DPYD: variants seen among roughly 807,000 people sequenced by gnomAD.
DPYD encodes dihydropyrimidine dehydrogenase [NADP(+)].
DPYD carries 109 observed loss-of-function variants against 116.2 expected under a neutral mutation model. The observed-to-expected ratio is 0.94, with a 90% confidence interval of 0.80 to 1.10. The LOEUF (loss-of-function observed/expected upper bound fraction) is 1.10. Ranked by LOEUF, DPYD falls within the 50% of genes least tolerant of loss-of-function variation. The pLI, the probability that DPYD is intolerant of heterozygous loss-of-function variation, is 0.00. For missense variants in DPYD, 1,302 were observed against 1,254.5 expected (o/e 1.04, Z -0.57); for synonymous variants, 440 against 432.0 (o/e 1.02, Z -0.23).
intron 5 of DPYD, chr1:97,720,322 G>A: frequency 1.0e-6 from 1 of 985,400 alleles, no homozygotes; most frequent in African/African-American, 1.7e-5. Context: ...GCTTGCCCTG[G>A]TTTAATGAAG....
At chr1:97,736,917 C>T (rs903440243) in intron 4 of DPYD, among the ~76,000 whole-genome samples, 1 of 148,330 alleles carries the variant, frequency 6.7e-6, no homozygotes, top group African/African-American at 2.5e-5. Flanking sequence ...ATCTACATAG[C>T]ATATGTACAC....
chr1:97,183,164 G>A (rs1475891339), intron 20 of DPYD, among the ~76,000 whole-genome samples: 1 of 151,980 alleles, frequency 6.6e-6, no homozygotes, highest in Non-Finnish European at 1.5e-5. Flanking sequence ...ACAGTTTGAA[G>A]GCAAGGAGTA....
intron 14 of DPYD, among the ~76,000 whole-genome samples, chr1:97,419,621 C>T (rs998074297): frequency 6.6e-6 from 1 of 152,102 alleles, no homozygotes; most frequent in African/African-American, 2.4e-5. Context: ...AGGCCTTTTC[C>T]ACATATGTGA....
chr1:97,613,535 A>AG (rs1249832363), intron 8 of DPYD, among the ~76,000 whole-genome samples: 2 of 152,002 alleles, frequency 1.3e-5, no homozygotes. Flanking sequence ...GGGCATACTG[A>AG]GTGTGCTGGT....
intron 18 of DPYD, among the ~76,000 whole-genome samples, chr1:97,237,979 T>C (rs1251270111): frequency 2.0e-5 from 3 of 152,154 alleles, no homozygotes; most frequent in Non-Finnish European, 4.4e-5. Context: ...TTTGGCCACA[T>C]ATTCTATTGA....
intron 8 of DPYD, among the ~76,000 whole-genome samples, chr1:97,619,356 T>C (rs1656494984): frequency 6.6e-6 from 1 of 152,214 alleles, no homozygotes; most frequent in Non-Finnish European, 1.5e-5. Flanking sequence ...GGAATGCTGG[T>C]TGACAGGACA....
intron 20 of DPYD, among the ~76,000 whole-genome samples, chr1:97,106,428 C>T (rs940799798): frequency 2.0e-5 from 3 of 152,040 alleles, no homozygotes; most frequent in African/African-American, 7.2e-5. Flanking sequence ...AGAATGTGGG[C>T]GGGCATCCCC....
At chr1:97,267,839 T>C (rs1664333145) in intron 18 of DPYD, among the ~76,000 whole-genome samples, 1 of 152,120 alleles carries the variant, frequency 6.6e-6, no homozygotes, top group Admixed American at 6.5e-5. Context: ...ATACAAAATA[T>C]GTTCATTCCA....
intron 8 of DPYD, among the ~76,000 whole-genome samples, chr1:97,658,212 C>T (rs966451538): frequency 6.6e-6 from 1 of 152,098 alleles, no homozygotes; most frequent in Non-Finnish European, 1.5e-5. Flanking sequence ...GTCTTCTCTG[C>T]ATATCTAAAT....
chr1:97,400,838 T>G (rs559249514), intron 14 of DPYD, among the ~76,000 whole-genome samples: 1 of 152,308 alleles, frequency 6.6e-6, no homozygotes, highest in African/African-American at 2.4e-5. Flanking sequence ...TTCTTCTCTC[T>G]TTTCTTCTTT....
chr1:97,465,348 G>C (rs559601216), intron 13 of DPYD, among the ~76,000 whole-genome samples: 1 of 152,270 alleles, frequency 6.6e-6, no homozygotes, highest in South Asian at 2.1e-4. Context: ...TTAAGATTCT[G>C]GGGGACTGTT....
intron 3 of DPYD, among the ~76,000 whole-genome samples, chr1:97,817,762 G>A (rs150890959): frequency 8.5e-4 from 129 of 151,962 alleles, no homozygotes; most frequent in Non-Finnish European, 1.5e-3. Context: ...CTTAAGCTTT[G>A]CAACTACATT....
chr1:97,088,163 A>G (rs1649652689), intron 21 of DPYD, among the ~76,000 whole-genome samples: 1 of 152,210 alleles, frequency 6.6e-6, no homozygotes, highest in Non-Finnish European at 1.5e-5. Context: ...TTCTTGATCC[A>G]TCTTCAGGTT....
chr1:97,655,715 G>A (rs1279920088), intron 8 of DPYD, among the ~76,000 whole-genome samples: 5 of 152,124 alleles, frequency 3.3e-5, no homozygotes, highest in African/African-American at 9.7e-5. Context: ...TGCTGCAGAA[G>A]ACTCTGCCTC....
intron 14 of DPYD, among the ~76,000 whole-genome samples, chr1:97,385,371 G>GGCA (rs1672277925): frequency 6.8e-6 from 1 of 146,034 alleles, no homozygotes; most frequent in East Asian, 2.0e-4. Flanking sequence ...CTGGGGAATG[G>GGCA]GCAGAGCCCT....
intron 10 of DPYD, among the ~76,000 whole-genome samples, chr1:97,576,377 C>T (rs1653262583): frequency 1.3e-5 from 2 of 152,108 alleles, no homozygotes; most frequent in African/African-American, 2.4e-5. Flanking sequence ...CTATGCTGTA[C>T]CTATTGGGAA....
chr1:97,182,917 A>C (rs1028419047), intron 20 of DPYD, among the ~76,000 whole-genome samples: 1 of 152,102 alleles, frequency 6.6e-6, no homozygotes, highest in South Asian at 2.1e-4. Context: ...TATTATATAC[A>C]TTTATTCTGG....
chr1:97,358,619 C>T (rs754270081), intron 16 of DPYD, among the ~76,000 whole-genome samples: 11 of 151,694 alleles, frequency 7.3e-5, no homozygotes, highest in Non-Finnish European at 1.3e-4. Flanking sequence ...AGGATCAGGT[C>T]GCAATATTTG....
intron 20 of DPYD, among the ~76,000 whole-genome samples, chr1:97,134,030 T>A (rs1419240860): frequency 0.24 from 3,408 of 14,122 alleles, 639 homozygotes; most frequent in East Asian, 0.52. Flanking sequence ...TATATATATA[T>A]ATATATATAT....
Sources: allele counts gnomAD v4.1 joint callset (sites outside exome capture counted in the v4.1 genomes callset), GRCh38; gene constraint gnomAD v4.1.1; transcripts MANE v1.5; gene names NCBI Gene and HGNC (gene_info 2026-07-23, HGNC 2026-07-21).